The following RPS6KA2 variants were observed in gnomAD, a reference collection of about 807,000 sequenced individuals.
The protein encoded by RPS6KA2 is ribosomal protein S6 kinase A2, also known as ribosomal protein S6 kinase alpha-2.
In RPS6KA2, 42 loss-of-function variants were observed where a neutral mutation model predicts 91.8. That is an observed-to-expected ratio of 0.46 (90% CI 0.36 to 0.59). The LOEUF is 0.59. Ranked by LOEUF, RPS6KA2 falls within the 20% of genes least tolerant of loss-of-function variation. The pLI is 0.00. For missense variants in RPS6KA2, 798 were observed against 978.5 expected, an observed-to-expected ratio of 0.82 and a Z score of 2.46; for synonymous variants, 414 against 393.6, an observed-to-expected ratio of 1.05 and a Z score of -0.61.
intron 2 of RPS6KA2, among the ~76,000 whole-genome samples, chr6:166,744,422 C>T (rs1184827396): frequency 1.3e-5 from 2 of 152,132 alleles, no homozygotes; most frequent in African/African-American, 4.8e-5. Context: ...GCGTTGCTGC[C>T]CGCTGAGGCC....
intron 2 of RPS6KA2, among the ~76,000 whole-genome samples, chr6:166,675,148 G>T (rs974793981): frequency 1.3e-5 from 2 of 152,202 alleles, no homozygotes; most frequent in Admixed American, 1.3e-4. Context: ...TGCCCAGCTT[G>T]CCAGCAAGCG....
chr6:166,829,651 T>C (rs77553304), intron 2 of RPS6KA2, among the ~76,000 whole-genome samples: 281 of 149,356 alleles, frequency 1.9e-3, no homozygotes, highest in African/African-American at 6.3e-3. Flanking sequence ...CCCTGCTAGA[T>C]TGAAAAGCAG....
At chr6:166,478,520 T>C (rs1252528545) in intron 10 of RPS6KA2, among the ~76,000 whole-genome samples, 1 of 152,162 alleles carries the variant, frequency 6.6e-6, no homozygotes, top group Non-Finnish European at 1.5e-5. Context: ...ACTGCAGGCT[T>C]TCCATTTACC....
upstream of RPS6KA2, among the ~76,000 whole-genome samples, chr6:166,630,955 G>A (rs79224459): frequency 0.035 from 5,377 of 152,278 alleles, 312 homozygotes; most frequent in African/African-American, 0.12. Context: ...TGTCAGCAAG[G>A]GGCCTGGAGC....
At position 166,648,160 on chromosome 6, in the gene RPS6KA2, C is replaced by A. The variant is rs796405451; in HGVS notation, c.124-109376G>T. 1.3e-3 allele frequency among the ~76,000 whole-genome samples: 101 copies of A among 79,536 alleles called. No homozygotes were observed. Among genetic ancestry groups the A allele is most frequent in the African/African-American group, 5.4e-3 (95 of 17,576 alleles). The allele number at this position is 79,536 out of a possible 152,430, so 52.2% of individuals were successfully genotyped here. On this transcript the variant is annotated intron_variant, in intron 2 of 21. Coordinates refer to the RPS6KA2 transcript ENST00000503859. This position sits in a 1 kb window ranked among gnomAD's most constrained non-coding sequence, Gnocchi z 4.8. ...TGCACACACGCACATGGTTACACAC[C>A]CATGCACACATGCTCACACACATGC...
At chr6:166,855,038 A>G (rs540943051) in intron 2 of RPS6KA2, among the ~76,000 whole-genome samples, 10 of 152,344 alleles carry the variant, frequency 6.6e-5, no homozygotes, top group Non-Finnish European at 1.5e-4. Flanking sequence ...TCATGCCTTT[A>G]GCAGCAACGT....
chr6:166,535,783 G>A lies in RPS6KA2; in HGVS notation c.216+2885C>T, dbSNP rs3778413. Among the ~76,000 whole-genome samples the A allele has an allele frequency of 3.4e-3, 523 of 152,326 alleles. 11 individuals carry two copies. In the East Asian group the frequency reaches 0.081, roughly 24 times the overall value. On this transcript the variant is annotated intron_variant, in intron 2 of 20. Coordinates refer to ENST00000265678, the MANE Select transcript of RPS6KA2 (RefSeq NM_021135.6). The stretch of plus-strand genomic sequence containing the variant: ...TGCTTTTCATTTTGAGGATAAGGCT[G>A]TTTTCTGTGCTTTTCTCTGGTCCCA...
intron 2 of RPS6KA2, among the ~76,000 whole-genome samples, chr6:166,718,856 A>G (rs777605878): frequency 2.0e-5 from 3 of 152,220 alleles, no homozygotes; most frequent in Non-Finnish European, 4.4e-5. Context: ...TTGCTTTTTC[A>G]TGAACCTAGA....
intron 2 of RPS6KA2, among the ~76,000 whole-genome samples, chr6:166,843,568 A>C (rs1337880418): frequency 6.6e-6 from 1 of 152,222 alleles, no homozygotes; most frequent in Non-Finnish European, 1.5e-5. Flanking sequence ...CACAGCTGAA[A>C]GACGTGAAGA....
intron 1 of RPS6KA2, among the ~76,000 whole-genome samples, chr6:166,586,777 G>A (rs1255978583): frequency 6.6e-6 from 1 of 152,200 alleles, no homozygotes; most frequent in Non-Finnish European, 1.5e-5. Flanking sequence ...ACATGACAAA[G>A]GTAACACACA....
intron 1 of RPS6KA2, among the ~76,000 whole-genome samples, chr6:166,571,183 G>A (rs1367303355): frequency 6.6e-6 from 1 of 152,196 alleles, no homozygotes; most frequent in Non-Finnish European, 1.5e-5. Context: ...GTAAGCGCGG[G>A]ACCAACCCAT....
chr6:166,626,702 A>T lies in RPS6KA2; in HGVS notation c.99+219T>A, dbSNP rs187808913. ...CCAGCTGGAAATGCAGTGGGGGTGG[A>T]GTTGCCCCCGCGAGGACCCACGGAC... On this transcript the variant is annotated intron_variant, in intron 1 of 20. Transcript: ENST00000265678. This position sits in a 1 kb window ranked among gnomAD's most constrained non-coding sequence, Gnocchi z 4.1. 5.0e-3 allele frequency among the ~76,000 whole-genome samples: 757 copies of T among 152,312 alleles called. 5 individuals carry two copies. Among genetic ancestry groups the T allele is most frequent in the Non-Finnish European group, 5.6e-3 (383 of 68,016 alleles).
At position 166,626,887 on chromosome 6, in the gene RPS6KA2, C is replaced by T. The variant is rs1445458782; in HGVS notation, c.99+34G>A. ...GGGCGACCACGGCCCGCTCAGTGCC[C>T]GGCACCTGCGCGCCCCGAGGGCGGC... is the stretch of plus-strand genomic sequence containing the variant. On this transcript the variant is annotated intron_variant, in intron 1 of 20. Coordinates refer to ENST00000265678, the MANE Select transcript of RPS6KA2 (RefSeq NM_021135.6). This position sits in a 1 kb window ranked among gnomAD's most constrained non-coding sequence, Gnocchi z 4.1. The T allele has an allele frequency of 1.4e-6, 2 of 1,447,138 alleles. No homozygotes were observed. Among genetic ancestry groups the T allele is most frequent in the Non-Finnish European group, 9.2e-7 (1 of 1,091,300 alleles). The allele number at this position is 1,447,138 out of a possible 1,614,324, so 89.6% of individuals were successfully genotyped here. A position where few individuals can be genotyped will look rare whatever the true frequency, so the allele number is the denominator to read the frequency against.
intron 2 of RPS6KA2, among the ~76,000 whole-genome samples, chr6:166,710,466 G>A (rs1265488059): frequency 2.1e-5 from 3 of 140,398 alleles, no homozygotes; most frequent in African/African-American, 7.8e-5. Context: ...GGGTATATGT[G>A]TATGGTATGT....
In RPS6KA2 at chr6:166,644,330, C is replaced by T. The variant is rs892534563; in HGVS notation, c.124-105546G>A. 3.3e-5 allele frequency among the ~76,000 whole-genome samples: 5 copies of T among 152,144 alleles called. No individual in the cohort carries two copies. The East Asian group carries it at 7.7e-4, about 23-fold the overall frequency. On this transcript the variant is annotated intron_variant, in intron 2 of 21. Coordinates refer to the RPS6KA2 transcript ENST00000503859. ...CAATGGTACATCCTGAAGTTCAACA[C>T]AGGGAAAAGCCCACATTTCTTCAAA...
Position 166,852,264 on chromosome 6 carries a change from G to A in RPS6KA2, c.123+5936C>T, listed in dbSNP as rs1160242389. The stretch of plus-strand genomic sequence containing the variant: ...AGACGCCACAGAGACAGATTCACAG[G>A]AGGTAATAAGCAGGGCCTGGAAGAT... On this transcript the variant is annotated intron_variant, in intron 2 of 21. Transcript: ENST00000503859. The surrounding 1 kb of genome is among the most constrained non-coding windows in gnomAD (Gnocchi z 4.1). 6.6e-6 allele frequency among the ~76,000 whole-genome samples: 1 copy of A among 152,184 alleles called. No homozygotes were observed. Among genetic ancestry groups the A allele is most frequent in the East Asian group, 1.9e-4 (1 of 5,204 alleles).
At chr6:166,470,333 C>T (rs1780717780) in intron 10 of RPS6KA2, among the ~76,000 whole-genome samples, 2 of 152,144 alleles carry the variant, frequency 1.3e-5, no homozygotes, top group Admixed American at 6.6e-5. Flanking sequence ...GCAGTTAACC[C>T]GGGAGGGAAG....
chr6:166,524,676 C>T (rs1389721894), intron 3 of RPS6KA2, among the ~76,000 whole-genome samples: 2 of 152,244 alleles, frequency 1.3e-5, no homozygotes, highest in Non-Finnish European at 2.9e-5. Context: ...ACACAGCTTA[C>T]ACTTTCCAAG....
At chr6:166,586,221 G>A in intron 1 of RPS6KA2, 1 of 1,591,804 alleles carries the variant, frequency 6.3e-7, no homozygotes, top group Non-Finnish European at 8.5e-7. Flanking sequence ...GTTACCCCAG[G>A]ATCGTCCATG....
Sources: allele counts gnomAD v4.1 joint callset (sites outside exome capture counted in the v4.1 genomes callset), GRCh38; gene constraint gnomAD v4.1.1; non-coding constraint Gnocchi (gnomAD v3.1); transcripts MANE v1.5; gene names NCBI Gene and HGNC (gene_info 2026-07-23, HGNC 2026-07-21).